The following MROH2B variants were observed in gnomAD, a reference collection of about 807,000 sequenced individuals.
The protein encoded by MROH2B is maestro heat like repeat family member 2B, also known as maestro heat-like repeat-containing protein family member 2B.
A neutral mutation model predicts 208.6 loss-of-function variants in MROH2B; 177 were observed. That is an observed-to-expected ratio of 0.85 (90% confidence interval 0.75 to 0.96). The LOEUF is 0.96. MROH2B is among the 40% of genes least tolerant of loss of function. The pLI is 0.00. For missense variants in MROH2B, 2,002 were observed against 1,878.7 expected (o/e 1.07, Z -1.21); for synonymous variants, 728 against 659.0 (o/e 1.10, Z -1.60).
At chr5:41,052,876 C>T (rs1025613035) in intron 11 of MROH2B, among the ~76,000 whole-genome samples, 75 of 152,204 alleles carry the variant, frequency 4.9e-4, no homozygotes, top group Non-Finnish European at 2.4e-4. Context: ...TGAGCATTTT[C>T]TTTGAGCATG....
In MROH2B at chr5:41,057,244, G is replaced by T. The variant is rs1038910560; in HGVS notation, c.849+24C>A. ...GAAAACCGGTTGAAATTAAAAATTGGAGTTGACAGCATGGTCTTCTTACCT... is the reference window on the plus strand; with the variant it reads ...GAAAACCGGTTGAAATTAAAAATTGTAGTTGACAGCATGGTCTTCTTACCT... On this transcript the variant is annotated intron_variant, in intron 8 of 41. Transcript: ENST00000399564. 6.2e-6 allele frequency: 10 copies of T among 1,608,514 alleles called. No individual in the cohort carries two copies. In the Admixed American group the frequency reaches 1.7e-4, roughly 27 times the overall value.
chr5:41,012,238 C>T (rs1741795430), intron 30 of MROH2B, among the ~76,000 whole-genome samples: 2 of 152,164 alleles, frequency 1.3e-5, no homozygotes, highest in Admixed American at 1.3e-4. Context: ...TTGACTCCTG[C>T]CCTTGGTGGT....
chr5:41,055,889 A>T, intron 9 of MROH2B, 34 bp from the exon 10 acceptor site: 1 of 1,456,512 alleles, frequency 6.9e-7, no homozygotes, highest in Middle Eastern at 1.7e-4. Context: ...GCTGTAACTC[A>T]TTTTCATCCT....
intron 18 of MROH2B, among the ~76,000 whole-genome samples, chr5:41,043,176 T>A (rs1743007123): frequency 6.6e-6 from 1 of 152,166 alleles, no homozygotes; most frequent in Non-Finnish European, 1.5e-5. Flanking sequence ...AGGAGTAATG[T>A]GCATATCAAT....
At chr5:41,057,848 T>C (rs1435880052) in intron 7 of MROH2B, among the ~76,000 whole-genome samples, 1 of 151,980 alleles carries the variant, frequency 6.6e-6, no homozygotes, top group Non-Finnish European at 1.5e-5. Flanking sequence ...TGTGAGCCAC[T>C]GAGCCAGGCC....
chr5:41,034,539 T>A (rs1331703986), intron 21 of MROH2B, among the ~76,000 whole-genome samples: 1 of 152,104 alleles, frequency 6.6e-6, no homozygotes, highest in African/African-American at 2.4e-5. Flanking sequence ...GTCCATTAGA[T>A]TTCAGATAAC....
At chr5:41,015,695 A>G (rs150936872) in intron 28 of MROH2B, among the ~76,000 whole-genome samples, 1 of 152,238 alleles carries the variant, frequency 6.6e-6, no homozygotes, top group African/African-American at 2.4e-5. Context: ...TATCTGAGGT[A>G]GACTCTCCTG....
At chr5:41,026,799 T>A (rs999447409) in intron 24 of MROH2B, among the ~76,000 whole-genome samples, 3 of 152,154 alleles carry the variant, frequency 2.0e-5, no homozygotes, top group Admixed American at 6.6e-5. Context: ...ACTACAAGGC[T>A]ACAGTGACCA....
At chr5:41,034,033 T>C (rs1742672456) in intron 21 of MROH2B, 169 bp from the exon 22 acceptor site, 3 of 984,866 alleles carry the variant, frequency 3.0e-6, no homozygotes, top group Admixed American at 6.2e-5. Flanking sequence ...ACTTCTTCCA[T>C]TTTTAAAGTG....
At chr5:41,067,657 C>T (rs186481883) in intron 2 of MROH2B, among the ~76,000 whole-genome samples, 1 of 152,214 alleles carries the variant, frequency 6.6e-6, no homozygotes, top group Non-Finnish European at 1.5e-5. Flanking sequence ...CATGAGCCAC[C>T]GTGCCTGGCT....
At chr5:40,998,998 G>A (rs896114) in intron 40 of MROH2B, among the ~76,000 whole-genome samples, 56,597 of 152,024 alleles carry the variant, frequency 0.37, 10,822 homozygotes, top group Non-Finnish European at 0.41. Flanking sequence ...TAATGTGTTG[G>A]TGGGGGGATC....
chr5:41,049,555 T>G (rs1340542693), intron 13 of MROH2B, 119 bp from the exon 14 acceptor site: 33 of 1,266,444 alleles, frequency 2.6e-5, no homozygotes, highest in Non-Finnish European at 3.3e-5. Context: ...TTTTGCTTTT[T>G]GGGCCAAGTC....
chr5:41,005,515 G>A lies in MROH2B; in HGVS notation c.3864+16C>T, dbSNP rs1741557488. ...GGGGACCCAGTGAGTGTGCTCTGAG[G>A]GCTGTTCTCCCTTGCCTCAGAGAAG... On this transcript the variant is annotated intron_variant, in intron 35 of 41. Transcript: ENST00000399564. The A allele has an allele frequency of 1.3e-6, 2 of 1,570,916 alleles. No individual in the cohort carries two copies. The highest frequency in any genetic ancestry group is 1.4e-5 in the African/African-American group (1 of 73,690).
intron 34 of MROH2B, 63 bp downstream of exon 34, chr5:41,007,249 CTT>C (rs36048707): frequency 7.4e-7 from 1 of 1,355,542 alleles, no homozygotes; most frequent in Non-Finnish European, 9.6e-7. Context: ...CTGTATTGCA[CTT>C]TTGTTTGTTT....
Position 41,010,047 on chromosome 5 carries a change from G to A in MROH2B, c.3168C>T (p.His1056=). 1 of 1,613,826 alleles carries A rather than the reference G, an allele frequency of 6.2e-7. No individual in the cohort carries two copies. The highest frequency in any genetic ancestry group is 8.5e-7 in the Non-Finnish European group (1 of 1,179,818). ...LLEILGTIYH[H]MPVLRQKEES... is the part of the protein sequence containing the mutation. ...CTTCTTTTTGTCTGAGGACTGGCAT[G>A]TGATGGTAGATTGTGCCTAAGATCT... Residue 1056 remains histidine, a synonymous_variant, in exon 31 of 42, where the codon CAC becomes CAT. Transcript: ENST00000399564.
At chr5:41,000,180 G>A (rs1271019290) in intron 39 of MROH2B, 40 bp downstream of exon 39, 2 of 1,611,860 alleles carry the variant, frequency 1.2e-6, no homozygotes, top group Non-Finnish European at 1.7e-6. Context: ...CTAGACCCTT[G>A]TCCTGCCTTT....
intron 2 of MROH2B, among the ~76,000 whole-genome samples, chr5:41,067,779 T>C (rs1300595934): frequency 6.6e-6 from 1 of 152,222 alleles, no homozygotes; most frequent in East Asian, 1.9e-4. Context: ...CAAGATCTAA[T>C]TGACAACCAG....
intron 2 of MROH2B, among the ~76,000 whole-genome samples, chr5:41,068,180 A>G (rs1264565342): frequency 6.6e-6 from 1 of 152,182 alleles, no homozygotes; most frequent in African/African-American, 2.4e-5. Context: ...ACCCATGCTT[A>G]AGTTGTTAAA....
At chr5:41,012,815 T>G in intron 29 of MROH2B, 80 bp from the exon 30 acceptor site, 1 of 1,546,206 alleles carries the variant, frequency 6.5e-7, no homozygotes, top group Non-Finnish European at 8.7e-7. Context: ...TGTTGTGGTT[T>G]GTTTTGGGTA....
Sources: gnomAD v4.1 joint callset for allele counts (sites outside exome capture counted in the v4.1 genomes callset) on GRCh38, gnomAD v4.1.1 for gene constraint, MANE v1.5 for transcripts, NCBI Gene and HGNC (gene_info 2026-07-23, HGNC 2026-07-21) for gene names.